Variants in SNTG1 observed in about 807,000 individuals in gnomAD.
The protein encoded by SNTG1 is gamma-1-syntrophin.
In SNTG1, 39 loss-of-function variants were observed where a neutral mutation model predicts 74.7. The observed-to-expected ratio is 0.52, with a 90% CI of 0.40 to 0.68. SNTG1 has a LOEUF of 0.68. SNTG1 is among the 30% of genes least tolerant of loss of function. The pLI, the probability that SNTG1 is intolerant of heterozygous loss-of-function variation, is 0.00. For synonymous variants in SNTG1, 254 were observed against 217.1 expected, an observed-to-expected ratio of 1.17 and a Z score of -1.49; for missense variants, 685 against 609.5, an observed-to-expected ratio of 1.12 and a Z score of -1.30.
At position 50,121,714 on chromosome 8, in the gene SNTG1, A is replaced by C. The variant is rs1303256805; in HGVS notation, c.-102-50847A>C. ...GAATGAATTTTAAATCATGAAAATA[A>C]GCCAAACTTGGTGGCTCACACCTGC... On this transcript the variant is annotated intron_variant, in intron 1 of 18. Transcript: ENST00000642720. Among the ~76,000 whole-genome samples, 5 of 141,828 alleles carry C rather than the reference A, an allele frequency of 3.5e-5. 1 individual carries two copies. The highest frequency in any genetic ancestry group is 7.9e-5 in the Non-Finnish European group (5 of 63,674). The allele number at this position is 141,828 out of a possible 152,430, so 93.0% of individuals were successfully genotyped here.
intron 13 of SNTG1, among the ~76,000 whole-genome samples, chr8:50,619,851 C>T (rs1478708845): frequency 6.6e-6 from 1 of 151,002 alleles, no homozygotes; most frequent in Non-Finnish European, 1.5e-5. Context: ...GATTTAACCC[C>T]TTTCTATTTG....
At chr8:50,750,045 G>A (rs942930584) in intron 17 of SNTG1, among the ~76,000 whole-genome samples, 1 of 152,098 alleles carries the variant, frequency 6.6e-6, no homozygotes, top group Admixed American at 6.6e-5. Flanking sequence ...TTCTAGAAAG[G>A]ATTCATAATT....
chr8:50,283,647 C>A (rs1035616887), intron 2 of SNTG1, among the ~76,000 whole-genome samples: 1 of 152,018 alleles, frequency 6.6e-6, no homozygotes, highest in Non-Finnish European at 1.5e-5. Flanking sequence ...TTTCTCATTC[C>A]TGAGAAGTTC....
chr8:49,948,697 A>G (rs1563383213), intron 1 of SNTG1, among the ~76,000 whole-genome samples: 1 of 152,148 alleles, frequency 6.6e-6, no homozygotes, highest in African/African-American at 2.4e-5. Context: ...GTATTTTGGT[A>G]CAGTGTTCTT....
At position 50,619,564 on chromosome 8, in the gene SNTG1, T is replaced by A. The variant is rs370591938; in HGVS notation, c.849+28647T>A. On this transcript the variant is annotated intron_variant, in intron 13 of 18. Transcript: ENST00000642720. ...GGCTAACACGGTGAAACTCTGTATC[T>A]ACTAAAAGTATAAAAAATTAGCTGG... Among the ~76,000 whole-genome samples, 6 of 151,886 alleles carry A rather than the reference T, an allele frequency of 4.0e-5. No individual in the cohort carries two copies. In the East Asian group the frequency reaches 1.2e-3, roughly 29 times the overall value.
chr8:50,306,613 C>T (rs1297897244), intron 2 of SNTG1, among the ~76,000 whole-genome samples: 1 of 152,064 alleles, frequency 6.6e-6, no homozygotes, highest in Non-Finnish European at 1.5e-5. Context: ...GGTGGTATCT[C>T]ATTGTGGTTT....
At chr8:50,215,418 A>G (rs1284975973) in intron 2 of SNTG1, among the ~76,000 whole-genome samples, 5 of 147,324 alleles carry the variant, frequency 3.4e-5, no homozygotes, top group Non-Finnish European at 6.0e-5. Context: ...TATATACTAT[A>G]TATATTTTAT....
intron 1 of SNTG1, among the ~76,000 whole-genome samples, chr8:49,958,292 G>A (rs1810363053): frequency 6.6e-6 from 1 of 152,186 alleles, no homozygotes; most frequent in South Asian, 2.1e-4. Context: ...GGACAGAATG[G>A]TGGAAAAATG....
chr8:50,586,605 A>G (rs1473647852), intron 12 of SNTG1, among the ~76,000 whole-genome samples: 1 of 152,056 alleles, frequency 6.6e-6, no homozygotes, highest in Non-Finnish European at 1.5e-5. Flanking sequence ...TCATTAAAAG[A>G]TTTTAGAAGT....
chr8:49,969,387 C>CT (rs575026898), intron 1 of SNTG1, among the ~76,000 whole-genome samples: 833 of 47,200 alleles, frequency 0.018, 46 homozygotes, highest in African/African-American at 0.02. Flanking sequence ...TTCATTTAAT[C>CT]TTTTTTTTTT....
chr8:50,656,995 CTCATGTCT>C lies in SNTG1; in HGVS notation c.937_944del (p.Ser313LeufsTer24). ...CCCCGACCTTCCTGGCCCTGAGGGGCTCATGTCTCTACAAGTTTCTGGCACCTCCAGTA... is the reference window on the plus strand; with the variant it reads ...CCCCGACCTTCCTGGCCCTGAGGGGCCTACAAGTTTCTGGCACCTCCAGTA... On this transcript the variant is annotated frameshift_variant, in exon 14 of 19. Transcript: ENST00000642720. LOFTEE classifies it high-confidence loss of function. 6.4e-7 allele frequency: 1 copy of C among 1,572,400 alleles called. No homozygotes were observed. The highest frequency in any genetic ancestry group is 8.6e-7 in the Non-Finnish European group (1 of 1,161,942).
At chr8:49,991,392 A>G (rs988985138) in intron 1 of SNTG1, among the ~76,000 whole-genome samples, 3 of 152,226 alleles carry the variant, frequency 2.0e-5, no homozygotes, top group Non-Finnish European at 4.4e-5. Context: ...GCCGTTCATT[A>G]AAGTGTTAAA....
intron 1 of SNTG1, among the ~76,000 whole-genome samples, chr8:50,077,725 T>G (rs1242918514): frequency 6.6e-6 from 1 of 152,202 alleles, no homozygotes; most frequent in Admixed American, 6.5e-5. Flanking sequence ...TGTACCCCTT[T>G]GGAGACAATT....
At chr8:50,367,405 G>A (rs2092144629) in intron 2 of SNTG1, among the ~76,000 whole-genome samples, 1 of 151,920 alleles carries the variant, frequency 6.6e-6, no homozygotes, top group Non-Finnish European at 1.5e-5. Flanking sequence ...TTCTATGTTA[G>A]AATGCTGAAT....
intron 11 of SNTG1, among the ~76,000 whole-genome samples, chr8:50,538,718 T>C (rs1260370173): frequency 6.6e-6 from 1 of 152,166 alleles, no homozygotes; most frequent in Non-Finnish European, 1.5e-5. Context: ...TGTATGATTA[T>C]GACTTTCACC....
chr8:50,754,614 A>C (rs1469780866), intron 18 of SNTG1, among the ~76,000 whole-genome samples: 1 of 151,860 alleles, frequency 6.6e-6, no homozygotes, highest in Non-Finnish European at 1.5e-5. Context: ...TTTTTCAAAG[A>C]ACTACATTAA....
chr8:50,565,785 G>A (rs191413067), intron 12 of SNTG1, among the ~76,000 whole-genome samples: 131 of 152,082 alleles, frequency 8.6e-4, no homozygotes, highest in South Asian at 2.3e-3. Context: ...ATGAATAAGT[G>A]CTATGAGAGG....
chr8:50,638,814 G>A (rs1387736833), intron 13 of SNTG1, among the ~76,000 whole-genome samples: 1 of 152,010 alleles, frequency 6.6e-6, no homozygotes, highest in African/African-American at 2.4e-5. Flanking sequence ...AAATCATGGA[G>A]TTTAGCATAG....
At chr8:50,058,762 GTA>G (rs1554562482) in intron 1 of SNTG1, among the ~76,000 whole-genome samples, 4 of 151,156 alleles carry the variant, frequency 2.6e-5, no homozygotes, top group South Asian at 2.1e-4. Context: ...GTGTGTGTGT[GTA>G]TGTGTGTTTA....
Sources: allele counts gnomAD v4.1 joint callset (sites outside exome capture counted in the v4.1 genomes callset), GRCh38; gene constraint gnomAD v4.1.1; transcripts MANE v1.5; gene names NCBI Gene and HGNC (gene_info 2026-07-23, HGNC 2026-07-21).